CSMD1: variants seen among roughly 807,000 people sequenced by gnomAD.
CSMD1 encodes the protein CUB and sushi domain-containing protein 1.
A neutral mutation model predicts 417.5 loss-of-function variants in CSMD1; 213 were observed. That is an observed-to-expected ratio of 0.51 (90% CI 0.46 to 0.57). The LOEUF is 0.57. Among genes scored for constraint, CSMD1 ranks in the 20% least tolerant of loss-of-function variants. The probability of loss-of-function intolerance (pLI) is 0.00; values close to 1 mark genes in which losing one functional copy is unlikely to be tolerated. For synonymous variants in CSMD1, 2,862 were observed against 1,736.8 expected (o/e 1.65, Z -16.11); for missense variants, 6,923 against 4,529.7 (o/e 1.53, Z -15.17).
intron 1 of CSMD1, among the ~76,000 whole-genome samples, chr8:4,663,344 G>C (rs865821759): frequency 3.9e-5 from 6 of 152,128 alleles, no homozygotes; most frequent in Admixed American, 2.6e-4. Context: ...GCAAAACTAC[G>C]TAGAATCTAC....
chr8:3,639,513 G>A lies in CSMD1; in HGVS notation c.1010-22716C>T, dbSNP rs1208168576. ...GACAGAGCACTAAATGACAGTAAAA[G>A]ACACAGATAACATAATAGGATGGAT... On this transcript the variant is annotated intron_variant, in intron 7 of 69. Coordinates refer to ENST00000635120, the MANE Select transcript of CSMD1 (RefSeq NM_033225.6). 2.6e-5 allele frequency among the ~76,000 whole-genome samples: 4 copies of A among 152,138 alleles called. No homozygotes were observed. In the South Asian group the frequency reaches 8.3e-4, roughly 32 times the overall value.
intron 3 of CSMD1, among the ~76,000 whole-genome samples, chr8:4,263,030 T>C (rs765217520): frequency 5.3e-5 from 8 of 152,190 alleles, no homozygotes; most frequent in Admixed American, 2.0e-4. Flanking sequence ...AATAGTCTAA[T>C]GAATGTTAGA....
rs535963764 is a variant in CSMD1, at chr8:3,469,134, A to G, written c.1449-310T>C. Reference sequence around the variant, plus strand: ...GGCTTCCCCAGGTGCAGGAATTACAATGTTACAACTGGGACAGTCCTGGAA... The same window carrying G: ...GGCTTCCCCAGGTGCAGGAATTACAGTGTTACAACTGGGACAGTCCTGGAA... On this transcript the variant is annotated intron_variant, in intron 11 of 69. Coordinates refer to ENST00000635120, the MANE Select transcript of CSMD1 (RefSeq NM_033225.6). 6.2e-5 allele frequency: 15 copies of G among 241,176 alleles called. No individual in the cohort carries two copies. The South Asian group carries it at 9.5e-4, about 15-fold the overall frequency. 14.9% of individuals were successfully genotyped at this position (241,176 alleles called of 1,614,324 possible).
rs1315484850 is a variant in CSMD1, at chr8:3,522,703, C to T, written c.1345-28977G>A. On this transcript the variant is annotated intron_variant, in intron 10 of 69. Coordinates refer to ENST00000635120, the MANE Select transcript of CSMD1 (RefSeq NM_033225.6). ...AGTAGATCAGTCGTCCCGGTACATTCACACCGATACTGATTCTGCACCTTA... is the reference window on the plus strand; with the variant it reads ...AGTAGATCAGTCGTCCCGGTACATTTACACCGATACTGATTCTGCACCTTA... 2.0e-5 allele frequency among the ~76,000 whole-genome samples: 3 copies of T among 152,018 alleles called. No homozygotes were observed. The East Asian group carries it at 5.8e-4, about 29-fold the overall frequency.
At chr8:3,153,537 C>A (rs1369537206) in intron 39 of CSMD1, among the ~76,000 whole-genome samples, 1 of 152,058 alleles carries the variant, frequency 6.6e-6, no homozygotes, top group Non-Finnish European at 1.5e-5. Flanking sequence ...AAGGCCGAAT[C>A]AATGACAAAA....
chr8:3,942,819 C>T (rs1810971245), intron 5 of CSMD1, among the ~76,000 whole-genome samples: 1 of 152,044 alleles, frequency 6.6e-6, no homozygotes, highest in Admixed American at 6.6e-5. Context: ...AATACCTAAC[C>T]ATAAGGGCAA....
chr8:4,529,312 CA>C (rs906576455), intron 2 of CSMD1, among the ~76,000 whole-genome samples: 1 of 151,492 alleles, frequency 6.6e-6, no homozygotes, highest in African/African-American at 2.4e-5. Flanking sequence ...AGATTGTATG[CA>C]AAAAAAATTA....
At chr8:3,783,068 G>T (rs1584991115) in intron 5 of CSMD1, among the ~76,000 whole-genome samples, 1 of 152,030 alleles carries the variant, frequency 6.6e-6, no homozygotes, top group African/African-American at 2.4e-5. Context: ...TTGAAAGCAA[G>T]TCCCCATCTC....
At chr8:4,982,236 T>G (rs1294194685) in intron 1 of CSMD1, among the ~76,000 whole-genome samples, 1 of 152,220 alleles carries the variant, frequency 6.6e-6, no homozygotes, top group Non-Finnish European at 1.5e-5. Flanking sequence ...TGTTTGAAGC[T>G]GTTGCGTTTG....
At chr8:2,945,633 G>T (rs142651111) in intron 68 of CSMD1, among the ~76,000 whole-genome samples, 1 of 151,962 alleles carries the variant, frequency 6.6e-6, no homozygotes, top group African/African-American at 2.4e-5. Context: ...AATCATTATC[G>T]TACGAGGGTC....
At chr8:4,563,562 T>C (rs1414092329) in intron 2 of CSMD1, among the ~76,000 whole-genome samples, 1 of 152,212 alleles carries the variant, frequency 6.6e-6, no homozygotes, top group African/African-American at 2.4e-5. Flanking sequence ...ACTCCAACTG[T>C]AGTGCTTTCC....
chr8:4,513,102 A>G (rs928395917), intron 2 of CSMD1, among the ~76,000 whole-genome samples: 1 of 152,212 alleles, frequency 6.6e-6, no homozygotes, highest in African/African-American at 2.4e-5. Context: ...GTCCAAACCC[A>G]TAAAATTGAC....
At chr8:3,962,682 G>C (rs969898482) in intron 5 of CSMD1, among the ~76,000 whole-genome samples, 5 of 152,154 alleles carry the variant, frequency 3.3e-5, no homozygotes, top group Non-Finnish European at 7.3e-5. Flanking sequence ...GCAGCTGGGT[G>C]GGGAGTGTGG....
chr8:2,956,649 G>T (rs1178821554), intron 63 of CSMD1, among the ~76,000 whole-genome samples: 1 of 151,764 alleles, frequency 6.6e-6, no homozygotes, highest in Non-Finnish European at 1.5e-5. Context: ...GTAGAGATGG[G>T]ATTTCACCAT....
At chr8:4,233,266 G>C (rs1006133433) in intron 3 of CSMD1, among the ~76,000 whole-genome samples, 2 of 152,054 alleles carry the variant, frequency 1.3e-5, no homozygotes, top group African/African-American at 2.4e-5. Flanking sequence ...CAGCTTCTTT[G>C]TATGCAGAAG....
intron 37 of CSMD1, among the ~76,000 whole-genome samples, chr8:3,172,931 C>G (rs757073630): frequency 1.3e-5 from 2 of 152,226 alleles, no homozygotes; most frequent in Admixed American, 6.5e-5. Context: ...CTTGGAAGTA[C>G]GTGACGTTAC....
chr8:3,456,485 C>G (rs1264038462), intron 12 of CSMD1, among the ~76,000 whole-genome samples: 1 of 152,196 alleles, frequency 6.6e-6, no homozygotes, highest in Admixed American at 6.5e-5. Flanking sequence ...AAATGCATAA[C>G]ACTGAAGGCC....
At chr8:4,445,461 G>A (rs1027071497) in intron 2 of CSMD1, among the ~76,000 whole-genome samples, 1 of 152,122 alleles carries the variant, frequency 6.6e-6, no homozygotes, top group African/African-American at 2.4e-5. Context: ...ACCCTCCAGT[G>A]AGTCACTTAA....
At chr8:3,524,595 A>C (rs1797676699) in intron 10 of CSMD1, among the ~76,000 whole-genome samples, 1 of 151,754 alleles carries the variant, frequency 6.6e-6, no homozygotes, top group African/African-American at 2.4e-5. Flanking sequence ...ACACAAGGAC[A>C]CACATCCACA....
Sources: gnomAD v4.1 joint callset for allele counts (sites outside exome capture counted in the v4.1 genomes callset) on GRCh38, gnomAD v4.1.1 for gene constraint, MANE v1.5 for transcripts, NCBI Gene and HGNC (gene_info 2026-07-23, HGNC 2026-07-21) for gene names.